HDAC8: variants seen among roughly 807,000 people sequenced by gnomAD.
HDAC8 encodes histone deacetylase 8.
A neutral mutation model predicts 32.2 loss-of-function variants in HDAC8; 1 was observed. The ratio of observed to expected loss-of-function variants is 0.03; its 90% CI spans 0.01 to 0.15. HDAC8 has a LOEUF of 0.15. HDAC8 is among the 10% of genes least tolerant of loss of function. The probability of loss-of-function intolerance (pLI) is 1.00; values close to 1 mark genes in which losing one functional copy is unlikely to be tolerated. For synonymous variants in HDAC8, 108 were observed against 113.9 expected (o/e 0.95, Z 0.33); for missense variants, 117 against 300.0 (o/e 0.39, Z 4.51).
At chrX:72,546,070 T>G (rs1556053847) in intron 4 of HDAC8, among the ~76,000 whole-genome samples, 1 of 111,575 alleles carries the variant, frequency 9.0e-6, no homozygotes, top group Non-Finnish European at 1.9e-5. Flanking sequence ...GCAAAAAGGG[T>G]GAAGCTCTTG....
At chrX:72,334,104 C>T (rs2043612807) in intron 10 of HDAC8, among the ~76,000 whole-genome samples, 1 of 111,814 alleles carries the variant, frequency 8.9e-6, no homozygotes, top group African/African-American at 3.3e-5. Flanking sequence ...AATAAAAATG[C>T]AAGCTTAAAT....
intron 10 of HDAC8, among the ~76,000 whole-genome samples, chrX:72,333,806 T>G (rs1430750282): frequency 9.0e-6 from 1 of 111,676 alleles, no homozygotes; most frequent in Non-Finnish European, 1.9e-5. Context: ...ACACCTTCGC[T>G]TGTGTTGTTG....
chrX:72,472,607 G>C (rs1477354704), intron 7 of HDAC8, among the ~76,000 whole-genome samples: 3 of 111,679 alleles, frequency 2.7e-5, no homozygotes, highest in Admixed American at 9.5e-5. Context: ...AGAAGTTTGA[G>C]TTTTCTAACT....
intron 4 of HDAC8, among the ~76,000 whole-genome samples, chrX:72,548,238 A>T (rs1556060732): frequency 8.9e-6 from 1 of 111,859 alleles, no homozygotes; most frequent in Non-Finnish European, 1.9e-5. Flanking sequence ...AGAGTTTGAA[A>T]GTGCAGGTTC....
At chrX:72,462,155 G>A (rs186518174) in intron 8 of HDAC8, 57 bp from the exon 9 acceptor site, 3 of 884,476 alleles carry the variant, frequency 3.4e-6, no homozygotes, top group Non-Finnish European at 4.9e-6. Context: ...CAGCAGGAGA[G>A]GGAAGGGGGG....
chrX:72,391,842 G>A (rs1472798100), intron 9 of HDAC8, among the ~76,000 whole-genome samples: 1 of 110,625 alleles, frequency 9.0e-6, no homozygotes, highest in Non-Finnish European at 1.9e-5. Flanking sequence ...CTATACATTC[G>A]CAAAGCTCTT....
chrX:72,505,568 G>A (rs942703213), intron 4 of HDAC8, among the ~76,000 whole-genome samples: 4 of 111,444 alleles, frequency 3.6e-5, no homozygotes, highest in African/African-American at 9.8e-5. Context: ...TGTAATTCCA[G>A]CACTTTGGGA....
intron 9 of HDAC8, among the ~76,000 whole-genome samples, chrX:72,407,014 T>C (rs1292038644): frequency 8.9e-6 from 1 of 112,617 alleles, no homozygotes; most frequent in Non-Finnish European, 1.9e-5. Context: ...AATCTTTGTC[T>C]TAAGTCAAAA....
At chrX:72,447,558 A>C (rs1460944097) in intron 9 of HDAC8, among the ~76,000 whole-genome samples, 1 of 112,079 alleles carries the variant, frequency 8.9e-6, no homozygotes, top group Non-Finnish European at 1.9e-5. Flanking sequence ...CACCACTCCT[A>C]TTCAATACAG....
At chrX:72,474,736 AG>A in intron 7 of HDAC8, 1 of 1,108,606 alleles carries the variant, frequency 9.0e-7, no homozygotes, top group Non-Finnish European at 1.2e-6. Flanking sequence ...GTACCTGAGG[AG>A]GATAAAAGCC....
At chrX:72,441,457 C>A (rs781943255) in intron 9 of HDAC8, among the ~76,000 whole-genome samples, 1 of 112,475 alleles carries the variant, frequency 8.9e-6, no homozygotes, top group South Asian at 3.7e-4. Flanking sequence ...CAAACTCCAA[C>A]AGACCTGCAG....
chrX:72,562,415 T>G (rs927551733), intron 4 of HDAC8, among the ~76,000 whole-genome samples: 2 of 112,008 alleles, frequency 1.8e-5, no homozygotes, highest in African/African-American at 6.5e-5. Context: ...TTATTCTAAG[T>G]GAAGTAACTC....
chrX:72,530,711 A>T (rs2147408446), intron 4 of HDAC8, among the ~76,000 whole-genome samples: 1 of 110,854 alleles, frequency 9.0e-6, no homozygotes, highest in African/African-American at 3.3e-5. Flanking sequence ...CTACCTACCT[A>T]CCTACATACA....
intron 4 of HDAC8, among the ~76,000 whole-genome samples, chrX:72,512,896 T>C (rs1556022739): frequency 2.7e-5 from 3 of 111,607 alleles, no homozygotes; most frequent in Non-Finnish European, 5.6e-5. Context: ...CCTGCCTACT[T>C]CTCAGTCCTC....
At chrX:72,412,265 T>C (rs1303991274) in intron 9 of HDAC8, among the ~76,000 whole-genome samples, 1 of 112,346 alleles carries the variant, frequency 8.9e-6, no homozygotes, top group Non-Finnish European at 1.9e-5. Flanking sequence ...AAGTTTTGAC[T>C]CTGTCACTCA....
intron 4 of HDAC8, among the ~76,000 whole-genome samples, chrX:72,514,867 T>C (rs187150132): frequency 1.2e-3 from 134 of 111,771 alleles, no homozygotes; most frequent in African/African-American, 4.0e-3. Context: ...GAGAGGTCAA[T>C]CCAAATAACT....
intron 9 of HDAC8, chrX:72,377,083 A>T (rs1441046097): frequency 1.8e-5 from 2 of 111,158 alleles, no homozygotes; most frequent in African/African-American, 6.5e-5. Flanking sequence ...CCTTTAATGT[A>T]TTGTCCTCAG....
rs188522760 is a variant in HDAC8 at position 72,392,156 on chromosome X, T to C, written c.1006-40318A>G. On this transcript the variant is annotated intron_variant, in intron 9 of 10. Transcript: ENST00000373573. Reference sequence around the variant, plus strand: ...ACATCTCTTAGGTCAAGTCTATATATAGCAATTCTTGCTAGTCCCTTCATG... The same window carrying C: ...ACATCTCTTAGGTCAAGTCTATATACAGCAATTCTTGCTAGTCCCTTCATG... Among the ~76,000 whole-genome samples the C allele has an allele frequency of 2.8e-4, 31 of 112,179 alleles. No homozygotes were observed. The East Asian group carries it at 2.8e-3, about 10-fold the overall frequency.
intron 4 of HDAC8, among the ~76,000 whole-genome samples, chrX:72,528,556 G>A (rs1159112414): frequency 8.9e-6 from 1 of 112,071 alleles, no homozygotes; most frequent in Non-Finnish European, 1.9e-5. Flanking sequence ...TGGCAGTAAT[G>A]TAGTAGAGGG....
Sources: gnomAD v4.1 joint callset for allele counts (sites outside exome capture counted in the v4.1 genomes callset) on GRCh38, gnomAD v4.1.1 for gene constraint, MANE v1.5 for transcripts, NCBI Gene and HGNC (gene_info 2026-07-23, HGNC 2026-07-21) for gene names.